The following SKAP1 variants were observed in gnomAD, a reference collection of about 807,000 sequenced individuals.
The protein encoded by SKAP1 is src kinase associated phosphoprotein 1, also known as src kinase-associated phosphoprotein 1.
SKAP1 carries 44 observed loss-of-function variants against 58.5 expected under a neutral mutation model. That is an observed-to-expected ratio of 0.75 (90% CI 0.59 to 0.97). The LOEUF (loss-of-function observed/expected upper bound fraction) is 0.97, where lower values mean the gene tolerates loss of function less well. Among genes scored for constraint, SKAP1 ranks in the 50% least tolerant of loss-of-function variants. The pLI is 0.00. For missense variants in SKAP1, 390 were observed against 435.2 expected (o/e 0.90, Z 0.92); for synonymous variants, 127 against 149.7 (o/e 0.85, Z 1.11).
intron 4 of SKAP1, among the ~76,000 whole-genome samples, chr17:48,293,023 C>T (rs1034799800): frequency 3.3e-5 from 5 of 151,988 alleles, no homozygotes; most frequent in African/African-American, 1.2e-4. Flanking sequence ...AAATATACGT[C>T]GTAAAACTTA....
At chr17:48,194,326 T>TA (rs1159000100) in intron 4 of SKAP1, among the ~76,000 whole-genome samples, 1 of 151,716 alleles carries the variant, frequency 6.6e-6, no homozygotes, top group African/African-American at 2.4e-5. Context: ...AAAAAAGCAA[T>TA]AAAAAACGAC....
chr17:48,415,915 G>T (rs1350717014), intron 1 of SKAP1, among the ~76,000 whole-genome samples: 1 of 152,182 alleles, frequency 6.6e-6, no homozygotes, highest in African/African-American at 2.4e-5. Context: ...GTAGAAGGGG[G>T]AGATATTCAG....
chr17:48,258,706 C>T (rs972258961), intron 4 of SKAP1, among the ~76,000 whole-genome samples: 3 of 152,070 alleles, frequency 2.0e-5, no homozygotes, highest in African/African-American at 7.2e-5. Flanking sequence ...ACAGCAAAGA[C>T]TTGTTTTACT....
chr17:48,225,539 A>G (rs1598443635), intron 4 of SKAP1, among the ~76,000 whole-genome samples: 1 of 152,238 alleles, frequency 6.6e-6, no homozygotes, highest in Non-Finnish European at 1.5e-5. Flanking sequence ...TACCAACAGC[A>G]TTCAAATTTA....
At chr17:48,201,876 G>A (rs1567818512) in intron 4 of SKAP1, among the ~76,000 whole-genome samples, 2 of 152,204 alleles carry the variant, frequency 1.3e-5, no homozygotes, top group Admixed American at 1.3e-4. Flanking sequence ...CAACTTCTGA[G>A]CTATAGACTT....
At chr17:48,298,969 T>A (rs1021859960) in intron 4 of SKAP1, among the ~76,000 whole-genome samples, 2 of 152,214 alleles carry the variant, frequency 1.3e-5, no homozygotes, top group Non-Finnish European at 2.9e-5. Flanking sequence ...GGGGAAATTT[T>A]GACCATCAGA....
the SKAP1 span, among the ~76,000 whole-genome samples, chr17:48,440,093 A>T: frequency 6.6e-6 from 1 of 152,310 alleles, no homozygotes. Flanking sequence ...GCGGCCTGCG[A>T]CTTTGCCTTT....
chr17:48,252,705 T>G (rs2065377516), intron 4 of SKAP1, among the ~76,000 whole-genome samples: 1 of 126,312 alleles, frequency 7.9e-6, no homozygotes, highest in Admixed American at 8.3e-5. Flanking sequence ...TGGCCAAAGC[T>G]CTAAGCTAGT....
intron 3 of SKAP1, among the ~76,000 whole-genome samples, chr17:48,358,357 C>CT (rs943379688): frequency 3.9e-5 from 6 of 152,150 alleles, no homozygotes; most frequent in African/African-American, 7.2e-5. Context: ...TTTCCTTCCT[C>CT]TTTTTTTTAA....
At position 48,192,287 on chromosome 17, in the gene SKAP1, GT is replaced by G. The variant is rs1195463423; in HGVS notation, c.281-2788del. 1.8e-4 allele frequency among the ~76,000 whole-genome samples: 27 copies of G among 149,484 alleles called. No individual in the cohort carries two copies. The South Asian group carries it at 4.5e-3, about 25-fold the overall frequency. ...GAGTTTCCATCTCTTCTTTCCACAG[GT>G]TTTTTTTTTCTTTTCTTTTTAAAGG... On this transcript the variant is annotated intron_variant, in intron 4 of 12. Transcript: ENST00000336915.
At chr17:48,178,183 CATCTT>C (rs987359421) in intron 9 of SKAP1, among the ~76,000 whole-genome samples, 2 of 152,104 alleles carry the variant, frequency 1.3e-5, no homozygotes, top group African/African-American at 4.8e-5. Flanking sequence ...GTCCCAAACT[CATCTT>C]ATTTTTTGAG....
At chr17:48,178,633 CTTAAT>C (rs1197495187) in intron 9 of SKAP1, among the ~76,000 whole-genome samples, 5 of 152,192 alleles carry the variant, frequency 3.3e-5, no homozygotes, top group Non-Finnish European at 7.3e-5. Context: ...CACCTTCACT[CTTAAT>C]TTAACAATCC....
intron 4 of SKAP1, among the ~76,000 whole-genome samples, chr17:48,322,125 T>TA (rs2066375258): frequency 2.6e-5 from 4 of 152,338 alleles, no homozygotes; most frequent in East Asian, 3.9e-4. Flanking sequence ...ACTACCAACT[T>TA]AAAGTTTTTG....
chr17:48,158,177 C>CAA (rs55933327), intron 11 of SKAP1, among the ~76,000 whole-genome samples: 1,688 of 106,176 alleles, frequency 0.016, 25 homozygotes, highest in South Asian at 0.057. Flanking sequence ...AACTCTGTCT[C>CAA]AAAAAAAAAA....
chr17:48,135,064 A>G (rs1385273879), intron 12 of SKAP1, among the ~76,000 whole-genome samples: 1 of 152,226 alleles, frequency 6.6e-6, no homozygotes, highest in African/African-American at 2.4e-5. Flanking sequence ...GCCATGAAAC[A>G]GTCTTCATCA....
rs755523173 is a variant in SKAP1 at position 48,250,272 on chromosome 17, G to GTTTTTT, written c.281-60778_281-60773dup. Among the ~76,000 whole-genome samples, 35 of 74,050 alleles carry GTTTTTT rather than the reference G, an allele frequency of 4.7e-4. 3 individuals are homozygous for GTTTTTT. The highest frequency in any genetic ancestry group is 1.9e-3 in the African/African-American group (35 of 18,642). 48.6% of individuals were successfully genotyped at this position (74,050 alleles called of 152,430 possible). Reference sequence around the variant, plus strand: ...TACATATATTTTGCTGCCATAGACAGTTTTTTTTTTTTTTTTTTTTTTTTT... The same window carrying GTTTTTT: ...TACATATATTTTGCTGCCATAGACAGTTTTTTTTTTTTTTTTTTTTTTTTTTTTTTT... On this transcript the variant is annotated intron_variant, in intron 4 of 12. Coordinates refer to ENST00000336915, the MANE Select transcript of SKAP1 (RefSeq NM_003726.4).
chr17:48,317,419 T>C (rs2066304385), intron 4 of SKAP1, among the ~76,000 whole-genome samples: 1 of 152,028 alleles, frequency 6.6e-6, no homozygotes, highest in South Asian at 2.1e-4. Context: ...AATTAAGAAA[T>C]CAAGTTATGT....
At chr17:48,142,699 T>C (rs2063783620) in intron 11 of SKAP1, among the ~76,000 whole-genome samples, 1 of 152,180 alleles carries the variant, frequency 6.6e-6, no homozygotes, top group South Asian at 2.1e-4. Context: ...CCACAAGAAG[T>C]GAGACTACTG....
chr17:48,162,456 T>C lies in SKAP1; in HGVS notation c.978+13A>G. On this transcript the variant is annotated intron_variant, in intron 11 of 12. Transcript: ENST00000336915. ...TTGACTTTCTATTTAAGCCCCACAC[T>C]TTCTGTCCTTACCTTGCTCAGAATA... The C allele has an allele frequency of 1.3e-6, 2 of 1,596,062 alleles. No homozygotes were observed. The highest frequency in any genetic ancestry group is 8.6e-7 in the Non-Finnish European group (1 of 1,165,764).
Sources: allele counts gnomAD v4.1 joint callset (sites outside exome capture counted in the v4.1 genomes callset), GRCh38; gene constraint gnomAD v4.1.1; transcripts MANE v1.5; gene names NCBI Gene and HGNC (gene_info 2026-07-23, HGNC 2026-07-21).